The following RCC1L variants were observed in gnomAD, a reference collection of about 807,000 sequenced individuals.
RCC1L encodes RCC1-like G exchanging factor-like protein.
RCC1L carries 46 observed loss-of-function variants against 58.6 expected under a neutral mutation model. The observed-to-expected ratio is 0.79, with a 90% CI of 0.62 to 1.00. The LOEUF (loss-of-function observed/expected upper bound fraction) is 1.00, where lower values mean the gene tolerates loss of function less well. RCC1L is among the 50% of genes least tolerant of loss of function. The probability of loss-of-function intolerance (pLI) is 0.00; values close to 1 mark genes in which losing one functional copy is unlikely to be tolerated. For missense variants in RCC1L, 636 were observed against 623.6 expected, an observed-to-expected ratio of 1.02 and a Z score of -0.21; for synonymous variants, 281 against 262.9, an observed-to-expected ratio of 1.07 and a Z score of -0.67.
chr7:75,064,755 C>T (rs1348343028), intron 3 of RCC1L, 107 bp from the exon 4 acceptor site: 42 of 1,229,574 alleles, frequency 3.4e-5, no homozygotes, highest in Non-Finnish European at 4.9e-5. Flanking sequence ...TACTCACCCC[C>T]ACCCCCCAAC....
chr7:75,031,248 G>A (rs899171925), intron 10 of RCC1L, among the ~76,000 whole-genome samples: 94 of 152,148 alleles, frequency 6.2e-4, no homozygotes, highest in African/African-American at 2.2e-3. Flanking sequence ...TGGGGGCAGG[G>A]GACTTCCTGC....
chr7:75,056,408 G>A lies in RCC1L; in HGVS notation c.1058-334C>T, dbSNP rs1473424693. On this transcript the variant is annotated intron_variant, in intron 8 of 10. Coordinates refer to ENST00000610322, the MANE Select transcript of RCC1L (RefSeq NM_030798.5). Reference sequence around the variant, plus strand: ...AACCCATACGAATACCAGAGAATTGGAGGATGTTTTCTCCCCCTAATGACA... The same window carrying A: ...AACCCATACGAATACCAGAGAATTGAAGGATGTTTTCTCCCCCTAATGACA... 3 of 1,031,884 alleles carry A rather than the reference G, an allele frequency of 2.9e-6. No homozygotes were observed. The African/African-American group carries it at 4.9e-5, about 17-fold the overall frequency. 63.9% of individuals were successfully genotyped at this position (1,031,884 alleles called of 1,614,324 possible).
At chr7:75,044,668 TG>T (rs1418284042) in intron 10 of RCC1L, among the ~76,000 whole-genome samples, 1 of 150,358 alleles carries the variant, frequency 6.7e-6, no homozygotes, top group Admixed American at 6.7e-5. Context: ...AGTCCCCATC[TG>T]CCTCTGAACT....
At chr7:75,039,427 G>A (rs968851408), downstream of RCC1L, among the ~76,000 whole-genome samples, 2 of 152,250 alleles carry the variant, frequency 1.3e-5, no homozygotes, top group African/African-American at 4.8e-5. Flanking sequence ...GGCTGACCAT[G>A]TATTCAAGAA....
At chr7:75,064,695 T>G in intron 3 of RCC1L, 47 bp from the exon 4 acceptor site, 1 of 1,605,270 alleles carries the variant, frequency 6.2e-7, no homozygotes, top group Non-Finnish European at 8.5e-7. Context: ...GTTTGTGGGA[T>G]CCTAGAATGT....
chr7:75,071,214 G>C (rs1554446044), intron 1 of RCC1L, among the ~76,000 whole-genome samples: 1 of 152,090 alleles, frequency 6.6e-6, no homozygotes, highest in Non-Finnish European at 1.5e-5. Context: ...CTATATGTTT[G>C]ATAAGTATTA....
intron 1 of RCC1L, 81 bp from the exon 2 acceptor site, chr7:75,070,850 A>T (rs1806701474): frequency 6.4e-7 from 1 of 1,559,938 alleles, no homozygotes; most frequent in Non-Finnish European, 8.7e-7. Context: ...TATTTATCAA[A>T]TCCAAGAACA....
chr7:75,042,070 C>A, downstream of RCC1L: 4 of 597,778 alleles, frequency 6.7e-6, no homozygotes, highest in Non-Finnish European at 8.4e-6. Context: ...AATAAAAAGA[C>A]CTCATCTCTA....
intron 10 of RCC1L, among the ~76,000 whole-genome samples, chr7:75,046,438 C>T (rs1264810333): frequency 4.6e-5 from 7 of 152,312 alleles, no homozygotes; most frequent in African/African-American, 1.4e-4. Context: ...CCTTGCTCCC[C>T]GAGGGCTCTG....
intron 6 of RCC1L, among the ~76,000 whole-genome samples, chr7:75,059,049 A>G (rs1020625956): frequency 1.2e-3 from 179 of 151,018 alleles, no homozygotes; most frequent in African/African-American, 4.2e-3. Flanking sequence ...AAAAATTATT[A>G]GGGCATAATG....
intron 6 of RCC1L, 115 bp from the exon 7 acceptor site, chr7:75,058,884 T>TCCCAGC: frequency 7.6e-7 from 1 of 1,309,894 alleles, no homozygotes; most frequent in Non-Finnish European, 1.1e-6. Context: ...AGCTCAGAAA[T>TCCCAGC]CCCAGTCTGG....
In RCC1L at chr7:75,031,629, G is replaced by A. The variant is rs987396312; in HGVS notation, c.1318-3550C>T. Among the ~76,000 whole-genome samples the A allele has an allele frequency of 6.4e-4, 97 of 152,256 alleles. No homozygotes were observed. The East Asian group carries it at 0.019, about 29-fold the overall frequency. ...GTGGTCGGGGGAACACAGGCCAGGG[G>A]CTAGAGGCGGGTAGAAAAACACCCA... On this transcript the variant is annotated intron_variant, in intron 10 of 10. Transcript: ENST00000614461.
intron 10 of RCC1L, among the ~76,000 whole-genome samples, chr7:75,029,915 T>C (rs1186558790): frequency 1.3e-5 from 2 of 152,110 alleles, no homozygotes; most frequent in Non-Finnish European, 1.5e-5. Context: ...CCCAGCACTT[T>C]GGGAGACCAA....
downstream of RCC1L, among the ~76,000 whole-genome samples, chr7:75,040,903 T>C (rs925503242): frequency 6.6e-6 from 1 of 152,152 alleles, no homozygotes; most frequent in African/African-American, 2.4e-5. Context: ...CACTGCTGGC[T>C]GGGTGACCAT....
downstream of RCC1L, among the ~76,000 whole-genome samples, chr7:75,040,235 G>C (rs978413767): frequency 6.6e-6 from 1 of 152,208 alleles, no homozygotes; most frequent in Non-Finnish European, 1.5e-5. Context: ...CGAGGTGGGC[G>C]GATCTCTGGA....
chr7:75,066,903 C>T, intron 2 of RCC1L, 111 bp from the exon 3 acceptor site: 2 of 1,388,422 alleles, frequency 1.4e-6, no homozygotes, highest in Admixed American at 6.1e-5. Flanking sequence ...GTAGGAAAGA[C>T]TCATCAAGAC....
intron 10 of RCC1L, among the ~76,000 whole-genome samples, chr7:75,044,471 C>T (rs1015997298): frequency 2.3e-4 from 35 of 151,546 alleles, no homozygotes; most frequent in African/African-American, 6.8e-4. Flanking sequence ...TGGTGGCGCA[C>T]GCCTATAACC....
chr7:75,049,814 G>C (rs1805850937), intron 10 of RCC1L, among the ~76,000 whole-genome samples: 1 of 152,186 alleles, frequency 6.6e-6, no homozygotes, highest in Non-Finnish European at 1.5e-5. Context: ...GGGAGACAGA[G>C]GCTGCAGTGA....
intron 10 of RCC1L, among the ~76,000 whole-genome samples, chr7:75,052,438 G>A (rs891215353): frequency 2.2e-4 from 33 of 152,310 alleles, no homozygotes; most frequent in South Asian, 1.7e-3. Flanking sequence ...TCAGTGGGCC[G>A]GGATGGGTTG....
Sources: gnomAD v4.1 joint callset for allele counts (sites outside exome capture counted in the v4.1 genomes callset) on GRCh38, gnomAD v4.1.1 for gene constraint, MANE v1.5 for transcripts, NCBI Gene and HGNC (gene_info 2026-07-23, HGNC 2026-07-21) for gene names.